Variants in JHY observed in about 807,000 individuals in gnomAD.
JHY encodes junctional cadherin complex regulator.
In JHY, 69 loss-of-function variants were observed where a neutral mutation model predicts 78.0. That is an observed-to-expected ratio of 0.88 (90% CI 0.73 to 1.08). The LOEUF is 1.08. JHY is among the 50% of genes least tolerant of loss of function. The probability of loss-of-function intolerance (pLI) is 0.00; values close to 1 mark genes in which losing one functional copy is unlikely to be tolerated. For missense variants in JHY, 944 were observed against 927.8 expected, an observed-to-expected ratio of 1.02 and a Z score of -0.23; for synonymous variants, 368 against 342.6, an observed-to-expected ratio of 1.07 and a Z score of -0.82.
intron 2 of JHY, among the ~76,000 whole-genome samples, chr11:122,887,096 G>C (rs1381210900): frequency 1.3e-5 from 2 of 152,168 alleles, no homozygotes; most frequent in African/African-American, 4.8e-5. Flanking sequence ...TTAGTGTGGT[G>C]GTGAAGTGCA....
At chr11:122,929,911 T>G (rs907346502) in intron 4 of JHY, among the ~76,000 whole-genome samples, 3 of 152,000 alleles carry the variant, frequency 2.0e-5, no homozygotes, top group Non-Finnish European at 4.4e-5. Flanking sequence ...CCCACAGGAT[T>G]TGGTGACTAA....
chr11:122,942,517 G>A (rs945311211), intron 5 of JHY, among the ~76,000 whole-genome samples: 1 of 152,002 alleles, frequency 6.6e-6, no homozygotes, highest in Admixed American at 6.6e-5. Context: ...TCCATCTCTC[G>A]GGTTCAAGCG....
At chr11:122,899,293 C>T (rs973159404) in intron 2 of JHY, among the ~76,000 whole-genome samples, 1 of 152,124 alleles carries the variant, frequency 6.6e-6, no homozygotes, top group African/African-American at 2.4e-5. Flanking sequence ...TCTTTCATCA[C>T]AGCATAAATA....
intron 5 of JHY, among the ~76,000 whole-genome samples, chr11:122,944,718 G>T (rs1222781986): frequency 6.6e-6 from 1 of 151,936 alleles, no homozygotes; most frequent in Non-Finnish European, 1.5e-5. Context: ...AGTTCTTTTA[G>T]CAAGTATGGT....
chr11:122,938,441 C>T (rs909857047), intron 5 of JHY, among the ~76,000 whole-genome samples: 3 of 152,054 alleles, frequency 2.0e-5, no homozygotes, highest in Non-Finnish European at 2.9e-5. Context: ...TCTGAATGCT[C>T]CTCGTTTTAT....
intron 5 of JHY, among the ~76,000 whole-genome samples, chr11:122,938,028 T>G (rs994209477): frequency 7.9e-5 from 12 of 152,230 alleles, no homozygotes; most frequent in African/African-American, 1.9e-4. Flanking sequence ...TGTTGTTGTT[T>G]TTTGTTTTTT....
intron 4 of JHY, among the ~76,000 whole-genome samples, chr11:122,926,491 T>A (rs542560610): frequency 3.3e-5 from 5 of 152,318 alleles, no homozygotes; most frequent in Non-Finnish European, 5.9e-5. Flanking sequence ...TCCAGGCCTC[T>A]CTTAAGAGTT....
intron 4 of JHY, chr11:122,927,051 ACAT>A (rs1266448447): frequency 6.6e-6 from 1 of 152,238 alleles, no homozygotes; most frequent in Non-Finnish European, 1.5e-5. Context: ...CCCAGTGGCA[ACAT>A]CATAACCAGT....
chr11:122,906,764 G>A (rs1403425073), intron 3 of JHY, among the ~76,000 whole-genome samples: 1 of 152,144 alleles, frequency 6.6e-6, no homozygotes, highest in Non-Finnish European at 1.5e-5. Flanking sequence ...ATTTTAGGGT[G>A]TATTGATTGT....
At chr11:122,897,691 A>C (rs1028370102) in intron 2 of JHY, among the ~76,000 whole-genome samples, 2 of 152,334 alleles carry the variant, frequency 1.3e-5, no homozygotes, top group Admixed American at 1.3e-4. Context: ...CAGAACCAAA[A>C]TAATCCATAT....
At chr11:122,919,637 AAAGTTC>A (rs1274165261) in intron 3 of JHY, among the ~76,000 whole-genome samples, 1 of 152,116 alleles carries the variant, frequency 6.6e-6, no homozygotes, top group Non-Finnish European at 1.5e-5. Flanking sequence ...GGGGCTTTTT[AAAGTTC>A]AAGTATCTTA....
At chr11:122,918,649 A>G (rs569339908) in intron 3 of JHY, among the ~76,000 whole-genome samples, 2 of 151,546 alleles carry the variant, frequency 1.3e-5, no homozygotes, top group Non-Finnish European at 2.9e-5. Flanking sequence ...ACCTGGCTTT[A>G]AAATAAACCA....
At position 122,934,814 on chromosome 11, in the gene JHY, C is replaced by T. The variant is rs1033273256; in HGVS notation, c.1373C>T (p.Thr458Ile). 1.9e-6 allele frequency: 3 copies of T among 1,614,046 alleles called. No homozygotes were observed. In the African/African-American group the frequency reaches 4.0e-5, roughly 22 times the overall value. ...AFDKVLSKNS[T>I]GCDSGLNVNK... ...GACAAGGTCTTATCTAAAAACTCTA[C>T]TGGATGTGACTCTGGGCTGAATGTT... Residue 458 changes from threonine (T) to isoleucine (I), a missense_variant, in exon 5 of 9, where the codon ACT (threonine) becomes ATT (isoleucine). Thr to Ile is a moderately conservative substitution (Grantham distance 89). Coordinates refer to ENST00000227349, the MANE Select transcript of JHY (RefSeq NM_024806.4).
chr11:122,923,521 C>T (rs1863420405), intron 3 of JHY, among the ~76,000 whole-genome samples: 1 of 152,140 alleles, frequency 6.6e-6, no homozygotes, highest in Non-Finnish European at 1.5e-5. Context: ...TCCTGCAGTA[C>T]ATCCTGATGG....
chr11:122,959,389 A>G lies in JHY; in HGVS notation c.2281A>G (p.Arg761Gly). 23 of 1,614,194 alleles carry G rather than the reference A, an allele frequency of 1.4e-5. No homozygotes were observed. Among genetic ancestry groups the G allele is most frequent in the Non-Finnish European group, 1.9e-5 (23 of 1,180,014 alleles). Residue 761 changes from arginine (R) to glycine (G), a missense_variant, in exon 9 of 9, where the codon AGA (arginine) becomes GGA (glycine). Arg to Gly is a moderately radical substitution (Grantham distance 125, BLOSUM62 -2). Transcript: ENST00000227349. ...CTCACTGCTGGAAATACTGCAGAAC[A>G]GACACGAAAGGGAAAAACAGGCTGT... ...EISLLEILQN[R>G]HEREKQAVAA... is the part of the protein sequence containing the mutation.
In JHY at chr11:122,901,889, T is replaced by TAAA. The variant is rs1236651731; in HGVS notation, c.345-2036_345-2035insAAA. Among the ~76,000 whole-genome samples, 1,320 of 138,338 alleles carry TAAA rather than the reference T, an allele frequency of 9.5e-3. 21 individuals carry two copies. Among genetic ancestry groups the TAAA allele is most frequent in the African/African-American group, 0.03 (1,183 of 39,580 alleles). The allele number at this position is 138,338 out of a possible 152,430, so 90.8% of individuals were successfully genotyped here. A position where few individuals can be genotyped will look rare whatever the true frequency, so the allele number is the denominator to read the frequency against. Reference sequence around the variant, plus strand: ...CTCTGTCTCAAAAAAAAAAAAAAATTTTTATTTTTTAAACTTTTTTGTTAA... The same window carrying TAAA: ...CTCTGTCTCAAAAAAAAAAAAAAATTAAATTTATTTTTTAAACTTTTTTGTTAA... On this transcript the variant is annotated intron_variant, in intron 2 of 8. Coordinates refer to ENST00000227349, the MANE Select transcript of JHY (RefSeq NM_024806.4).
Position 122,957,365 on chromosome 11 carries a change from G to A in JHY, c.2013G>A (p.Thr671=), listed in dbSNP as rs199645772. The A allele has an allele frequency of 1.5e-5, 23 of 1,524,214 alleles. No homozygotes were observed. Among genetic ancestry groups the A allele is most frequent in the East Asian group, 2.6e-5 (1 of 38,820 alleles). 94.4% of individuals were successfully genotyped at this position (1,524,214 alleles called of 1,614,324 possible). A position where few individuals can be genotyped will look rare whatever the true frequency, so the allele number is the denominator to read the frequency against. The change falls in exon 8 of 9, where the codon ACG becomes ACA. Residue 671 remains threonine, a splice_region_variant and synonymous_variant. Coordinates refer to ENST00000227349, the MANE Select transcript of JHY (RefSeq NM_024806.4). ...GPDFESIRDK[T]QKLIQQKEYA... ...CATAACTTTGTTTCTCTGAACAGAC[G>A]CAAAAATTAATACAGCAAAAGGAAT...
chr11:122,940,581 C>A (rs1235049450), intron 5 of JHY, among the ~76,000 whole-genome samples: 1 of 152,158 alleles, frequency 6.6e-6, no homozygotes, highest in African/African-American at 2.4e-5. Context: ...AAGGTAGCGA[C>A]TACCAGATCT....
At chr11:122,891,448 T>C (rs1862612395) in intron 2 of JHY, among the ~76,000 whole-genome samples, 1 of 152,088 alleles carries the variant, frequency 6.6e-6, no homozygotes, top group East Asian at 1.9e-4. Flanking sequence ...GTGATAATCC[T>C]TAAACCCCAC....
Sources: allele counts gnomAD v4.1 joint callset (sites outside exome capture counted in the v4.1 genomes callset), GRCh38; gene constraint gnomAD v4.1.1; transcripts MANE v1.5; gene names NCBI Gene and HGNC (gene_info 2026-07-23, HGNC 2026-07-21).